Variants in PDE4D observed in about 807,000 individuals in gnomAD.
PDE4D encodes the protein 3',5'-cyclic-AMP phosphodiesterase 4D.
A neutral mutation model predicts 87.4 loss-of-function variants in PDE4D; 24 were observed. The observed-to-expected ratio is 0.27, with a 90% CI of 0.20 to 0.39. PDE4D has a LOEUF of 0.39. Among genes scored for constraint, PDE4D ranks in the 10% least tolerant of loss-of-function variants. PDE4D has a pLI of 1.00. For missense variants in PDE4D, 714 were observed against 1,041.0 expected (o/e 0.69, Z 4.32); for synonymous variants, 384 against 383.2 (o/e 1.00, Z -0.02).
intron 1 of PDE4D, chr5:59,216,855 G>C (rs1201947801): frequency 1.1e-5 from 2 of 174,958 alleles, no homozygotes; most frequent in East Asian, 1.6e-4. Flanking sequence ...CTTTATGAAA[G>C]GCCCTTTCTC....
intron 1 of PDE4D, among the ~76,000 whole-genome samples, chr5:59,329,613 AT>A (rs568959327): frequency 1.3e-5 from 2 of 152,338 alleles, no homozygotes; most frequent in South Asian, 4.1e-4. Context: ...AGGTATCAAA[AT>A]TTATAAAACT....
chr5:59,598,856 A>C (rs1319960187), intron 1 of PDE4D, among the ~76,000 whole-genome samples: 1 of 152,140 alleles, frequency 6.6e-6, no homozygotes, highest in Non-Finnish European at 1.5e-5. Flanking sequence ...AGGCAAGAGG[A>C]TCCTTTGAGC....
Position 59,106,494 on chromosome 5 carries a change from G to A in PDE4D, c.809-67523C>T, listed in dbSNP as rs1771601799. Among the ~76,000 whole-genome samples the A allele has an allele frequency of 1.3e-5, 2 of 152,204 alleles. 1 individual carries two copies. The highest frequency in any genetic ancestry group is 4.1e-4 in the South Asian group (2 of 4,834). On this transcript the variant is annotated intron_variant, in intron 5 of 14. Coordinates refer to ENST00000340635, the MANE Select transcript of PDE4D (RefSeq NM_001104631.2). ...ACCACCATGTTAGGCCGGGCGTGGTGACTCATGCTTGTAATCCCAGCACTT... is the reference window on the plus strand; with the variant it reads ...ACCACCATGTTAGGCCGGGCGTGGTAACTCATGCTTGTAATCCCAGCACTT...
chr5:59,718,558 A>G (rs1372404730), intron 1 of PDE4D, among the ~76,000 whole-genome samples: 6 of 152,174 alleles, frequency 3.9e-5, no homozygotes, highest in African/African-American at 1.4e-4. Context: ...ACATAAAGTA[A>G]TTTTATCAGC....
At chr5:60,141,748 T>C (rs755507794) in intron 2 of PDE4D, among the ~76,000 whole-genome samples, 36 of 152,090 alleles carry the variant, frequency 2.4e-4, no homozygotes, top group Non-Finnish European at 4.0e-4. Context: ...ATAGACATAA[T>C]CTTGGAGATA....
intron 1 of PDE4D, among the ~76,000 whole-genome samples, chr5:60,475,437 A>T (rs1487419897): frequency 6.6e-6 from 1 of 152,166 alleles, no homozygotes; most frequent in East Asian, 1.9e-4. Context: ...GGAGAAAAAT[A>T]TAAGGCCAAG....
chr5:60,305,722 A>G (rs1434448969), intron 1 of PDE4D, among the ~76,000 whole-genome samples: 1 of 151,220 alleles, frequency 6.6e-6, no homozygotes, highest in Non-Finnish European at 1.5e-5. Flanking sequence ...AAAAAAAAAA[A>G]CTCTAGCTTC....
chr5:60,285,400 C>A (rs1194621227), intron 1 of PDE4D, among the ~76,000 whole-genome samples: 1 of 151,636 alleles, frequency 6.6e-6, no homozygotes, highest in Non-Finnish European at 1.5e-5. Flanking sequence ...AATAAGGATT[C>A]GGCTGTTGCT....
intron 2 of PDE4D, among the ~76,000 whole-genome samples, chr5:60,051,386 C>T (rs192937601): frequency 6.6e-6 from 1 of 152,314 alleles, no homozygotes; most frequent in Middle Eastern, 3.4e-3. Flanking sequence ...AAGAAACTCA[C>T]TCAAAACCAC....
chr5:60,198,243 C>T (rs533765645), intron 1 of PDE4D, among the ~76,000 whole-genome samples: 1 of 151,180 alleles, frequency 6.6e-6, no homozygotes, highest in East Asian at 1.9e-4. Flanking sequence ...CAATGTAGTG[C>T]CTTGTTTTAA....
At chr5:58,993,653 A>G (rs1748460587) in intron 6 of PDE4D, among the ~76,000 whole-genome samples, 188 bp from the exon 7 acceptor site, 1 of 152,206 alleles carries the variant, frequency 6.6e-6, no homozygotes, top group Non-Finnish European at 1.5e-5. Context: ...TGCCAATTAT[A>G]GCAGTCACTA....
intron 1 of PDE4D, among the ~76,000 whole-genome samples, chr5:59,834,782 T>C (rs1741756711): frequency 6.6e-6 from 1 of 152,066 alleles, no homozygotes; most frequent in Non-Finnish European, 1.5e-5. Flanking sequence ...ATGAACAGCA[T>C]ATTAGGTAAA....
At chr5:60,000,545 T>C (rs1408250049) in intron 2 of PDE4D, among the ~76,000 whole-genome samples, 1 of 152,206 alleles carries the variant, frequency 6.6e-6, no homozygotes, top group Non-Finnish European at 1.5e-5. Context: ...TCTTTAGCAC[T>C]AGACTTGACT....
intron 6 of PDE4D, among the ~76,000 whole-genome samples, chr5:59,025,127 T>C (rs13362239): frequency 0.11 from 15,983 of 152,178 alleles, 1,312 homozygotes; most frequent in East Asian, 0.47. Flanking sequence ...TTTTGTGAAA[T>C]GGGTTTCCTT....
intron 1 of PDE4D, among the ~76,000 whole-genome samples, chr5:59,461,514 A>G (rs1800782132): frequency 2.6e-5 from 4 of 152,190 alleles, no homozygotes; most frequent in Admixed American, 2.0e-4. Flanking sequence ...TCTCTAGACC[A>G]TCTGGCTACC....
At chr5:59,634,020 C>A (rs1414024438) in intron 1 of PDE4D, among the ~76,000 whole-genome samples, 13 of 149,310 alleles carry the variant, frequency 8.7e-5, no homozygotes, top group African/African-American at 3.0e-4. Flanking sequence ...CACACAGGCT[C>A]AAAAATAAAG....
At chr5:59,543,468 G>A (rs183500832) in intron 1 of PDE4D, among the ~76,000 whole-genome samples, 214 of 152,208 alleles carry the variant, frequency 1.4e-3, no homozygotes, top group African/African-American at 4.9e-3. Flanking sequence ...AGAAGGTCAG[G>A]GGGAAGTGGG....
chr5:59,406,206 G>A (rs1582432117), intron 1 of PDE4D, among the ~76,000 whole-genome samples: 2 of 152,060 alleles, frequency 1.3e-5, no homozygotes, highest in Admixed American at 1.3e-4. Context: ...AATCTTGATG[G>A]TATTGGTCTG....
intron 2 of PDE4D, among the ~76,000 whole-genome samples, chr5:59,201,616 G>C (rs1051848728): frequency 6.6e-6 from 1 of 152,088 alleles, no homozygotes; most frequent in Non-Finnish European, 1.5e-5. Context: ...TTGAGGATAT[G>C]GATCCTCTGT....
Sources: gnomAD v4.1 joint callset for allele counts (sites outside exome capture counted in the v4.1 genomes callset) on GRCh38, gnomAD v4.1.1 for gene constraint, MANE v1.5 for transcripts, NCBI Gene and HGNC (gene_info 2026-07-23, HGNC 2026-07-21) for gene names.